TRAPPC9: variants seen among roughly 807,000 people sequenced by gnomAD.
TRAPPC9 encodes IKK2 binding protein.
TRAPPC9 carries 83 observed loss-of-function variants against 124.0 expected under a neutral mutation model. The ratio of observed to expected loss-of-function variants is 0.67; its 90% CI spans 0.56 to 0.80. The LOEUF is 0.80. Among genes scored for constraint, TRAPPC9 ranks in the 30% least tolerant of loss-of-function variants. The pLI, the probability that TRAPPC9 is intolerant of heterozygous loss-of-function variation, is 0.00. For synonymous variants in TRAPPC9, 638 were observed against 617.5 expected (o/e 1.03, Z -0.49); for missense variants, 1,302 against 1,508.3 (o/e 0.86, Z 2.27).
chr8:139,842,668 T>TGGGGGGGGGGGGGGGGGGGGGGG (rs1586966081), intron 21 of TRAPPC9, among the ~76,000 whole-genome samples: 2 of 17,492 alleles, frequency 1.1e-4, no homozygotes, highest in East Asian at 1.8e-3. Flanking sequence ...TGGCAGGGGG[T>TGGGGGGGGGGGGGGGGGGGGGGG]GGGGAGGGGG....
chr8:139,780,425 G>T (rs1023715934), intron 21 of TRAPPC9, among the ~76,000 whole-genome samples: 3 of 152,122 alleles, frequency 2.0e-5, no homozygotes, highest in Non-Finnish European at 4.4e-5. Context: ...CTAAAACAGA[G>T]AAAATATAGC....
At chr8:140,060,020 C>T (rs572216533) in intron 17 of TRAPPC9, among the ~76,000 whole-genome samples, 4 of 152,318 alleles carry the variant, frequency 2.6e-5, no homozygotes, top group Admixed American at 2.0e-4. Flanking sequence ...TATCTTCCTG[C>T]TAGTTTTGTA....
At chr8:140,217,890 G>A (rs1225163099) in intron 17 of TRAPPC9, among the ~76,000 whole-genome samples, 4 of 151,984 alleles carry the variant, frequency 2.6e-5, no homozygotes, top group Non-Finnish European at 5.9e-5. Context: ...GGTGGTGCAC[G>A]CCTGTAATCC....
intron 9 of TRAPPC9, 138 bp from the exon 10 acceptor site, chr8:140,311,512 A>T: frequency 1.0e-6 from 1 of 994,860 alleles, no homozygotes; most frequent in African/African-American, 1.6e-5. Context: ...TGAGCAAAAG[A>T]GACCAGAACA....
chr8:139,901,177 G>A (rs1242664497), intron 20 of TRAPPC9, among the ~76,000 whole-genome samples: 1 of 152,090 alleles, frequency 6.6e-6, no homozygotes, highest in Non-Finnish European at 1.5e-5. Context: ...GGGTGGCGGT[G>A]ACTTCAGTTG....
intron 21 of TRAPPC9, among the ~76,000 whole-genome samples, chr8:139,875,844 T>C (rs1257117641): frequency 6.6e-6 from 1 of 152,244 alleles, no homozygotes; most frequent in African/African-American, 2.4e-5. Flanking sequence ...AACACTGGCC[T>C]GGAGCAGATG....
intron 21 of TRAPPC9, among the ~76,000 whole-genome samples, chr8:139,834,883 A>G (rs1267611803): frequency 6.6e-6 from 1 of 152,190 alleles, no homozygotes; most frequent in African/African-American, 2.4e-5. Flanking sequence ...GCTGGGAGCC[A>G]GCTCTCCCAG....
chr8:140,437,711 G>A lies in TRAPPC9; in HGVS notation c.730+1341C>T, dbSNP rs571686944. Among the ~76,000 whole-genome samples, 10 of 152,240 alleles carry A rather than the reference G, an allele frequency of 6.6e-5. No homozygotes were observed. The South Asian group carries it at 1.5e-3, about 22-fold the overall frequency. ...AGAACTCACCTCATTACTTCATTCCGACTTGTATTATCATAAGTGGCTGAC... is the reference window on the plus strand; with the variant it reads ...AGAACTCACCTCATTACTTCATTCCAACTTGTATTATCATAAGTGGCTGAC... On this transcript the variant is annotated intron_variant, in intron 3 of 22. Transcript: ENST00000438773.
At chr8:140,013,907 C>A (rs114057065) in intron 18 of TRAPPC9, among the ~76,000 whole-genome samples, 1 of 152,192 alleles carries the variant, frequency 6.6e-6, no homozygotes, top group African/African-American at 2.4e-5. Flanking sequence ...AAAACCACAG[C>A]GCCAATGAGC....
At chr8:139,886,017 G>A (rs1275275560) in intron 20 of TRAPPC9, 48 bp from the exon 21 acceptor site, 1 of 1,519,786 alleles carries the variant, frequency 6.6e-7, no homozygotes, top group Admixed American at 2.0e-5. Flanking sequence ...CCCAGGGACA[G>A]AAGAACGTCT....
chr8:139,824,817 C>A (rs1170591230), intron 21 of TRAPPC9, among the ~76,000 whole-genome samples: 1 of 152,182 alleles, frequency 6.6e-6, no homozygotes, highest in Non-Finnish European at 1.5e-5. Flanking sequence ...CCCACCTCGG[C>A]CTCCCAAAGT....
chr8:140,324,116 T>A (rs2066674963), intron 9 of TRAPPC9, among the ~76,000 whole-genome samples: 1 of 152,060 alleles, frequency 6.6e-6, no homozygotes, highest in Non-Finnish European at 1.5e-5. Flanking sequence ...ACAGCTTAGA[T>A]CCCACTTACG....
At chr8:139,883,200 T>A (rs1387716043) in intron 21 of TRAPPC9, among the ~76,000 whole-genome samples, 1 of 152,160 alleles carries the variant, frequency 6.6e-6, no homozygotes, top group Non-Finnish European at 1.5e-5. Context: ...TACGCTCAGC[T>A]CCCTCGCCAT....
intron 21 of TRAPPC9, among the ~76,000 whole-genome samples, chr8:139,859,588 C>T (rs997166656): frequency 1.5e-4 from 23 of 152,210 alleles, no homozygotes; most frequent in Non-Finnish European, 2.4e-4. Flanking sequence ...GCTCCCCAAC[C>T]GGAGACACTC....
At chr8:139,860,335 C>A (rs1455412942) in intron 21 of TRAPPC9, among the ~76,000 whole-genome samples, 1 of 152,184 alleles carries the variant, frequency 6.6e-6, no homozygotes, top group African/African-American at 2.4e-5. Flanking sequence ...TACACGGCTC[C>A]AAGGGGTGGA....
intron 20 of TRAPPC9, among the ~76,000 whole-genome samples, chr8:139,894,412 A>G (rs1183992904): frequency 6.6e-6 from 1 of 152,084 alleles, no homozygotes; most frequent in Non-Finnish European, 1.5e-5. Context: ...CTGCTGAGTC[A>G]GTTTGCCCCA....
chr8:140,299,226 G>A (rs1169537548), intron 11 of TRAPPC9, among the ~76,000 whole-genome samples: 1 of 152,204 alleles, frequency 6.6e-6, no homozygotes, highest in Non-Finnish European at 1.5e-5. Context: ...GACCAGAAAG[G>A]AGTCCCTGTA....
chr8:139,778,561 A>T (rs1821556906), intron 21 of TRAPPC9, among the ~76,000 whole-genome samples: 1 of 152,250 alleles, frequency 6.6e-6, no homozygotes, highest in African/African-American at 2.4e-5. Context: ...ATTTGTTCAA[A>T]AATTTAATGA....
intron 2 of TRAPPC9, among the ~76,000 whole-genome samples, chr8:140,450,014 C>T (rs1340838272): frequency 6.6e-6 from 1 of 152,136 alleles, no homozygotes; most frequent in Non-Finnish European, 1.5e-5. Flanking sequence ...TTTATTTAAC[C>T]TAAGATATGT....
Sources: gnomAD v4.1 joint callset for allele counts (sites outside exome capture counted in the v4.1 genomes callset) on GRCh38, gnomAD v4.1.1 for gene constraint, MANE v1.5 for transcripts, NCBI Gene and HGNC (gene_info 2026-07-23, HGNC 2026-07-21) for gene names.